The following PLCXD3 variants were observed in gnomAD, a reference collection of about 807,000 sequenced individuals.
PLCXD3 encodes the protein PI-PLC X domain-containing protein 3.
Under a neutral mutation model 25.5 loss-of-function variants are expected in PLCXD3, and 19 were observed. The ratio of observed to expected loss-of-function variants is 0.75; its 90% confidence interval spans 0.52 to 1.09. The LOEUF (loss-of-function observed/expected upper bound fraction) is 1.09, where lower values mean the gene tolerates loss of function less well. Among genes scored for constraint, PLCXD3 ranks in the 50% least tolerant of loss-of-function variants. PLCXD3 has a pLI of 0.00. For missense variants in PLCXD3, 411 were observed against 388.1 expected, an observed-to-expected ratio of 1.06 and a Z score of -0.50; for synonymous variants, 174 against 137.6, an observed-to-expected ratio of 1.26 and a Z score of -1.85.
At chr5:41,421,634 A>G (rs1057110966) in intron 1 of PLCXD3, among the ~76,000 whole-genome samples, 55 of 152,300 alleles carry the variant, frequency 3.6e-4, no homozygotes, top group African/African-American at 1.3e-3. Context: ...CCGAGAGGCG[A>G]AGCTTGCAGT....
intron 1 of PLCXD3, among the ~76,000 whole-genome samples, chr5:41,453,123 C>T (rs1178027573): frequency 1.3e-5 from 2 of 151,810 alleles, no homozygotes; most frequent in South Asian, 2.1e-4. Flanking sequence ...CTCGTTTAAC[C>T]AAAATTTTGT....
chr5:41,363,319 C>T lies in PLCXD3; in HGVS notation c.812+18507G>A, dbSNP rs73750134. Among the ~76,000 whole-genome samples, 1,136 of 152,290 alleles carry T rather than the reference C, an allele frequency of 7.5e-3. 27 individuals carry two copies. Among genetic ancestry groups the T allele is most frequent in the African/African-American group, 0.026 (1,064 of 41,558 alleles). ...TTTAAAGTACAGTCACTAGCATACA[C>T]TCAGTAAATGTTCTGTAAATATCTA... On this transcript the variant is annotated intron_variant, in intron 2 of 2. Transcript: ENST00000377801.
At chr5:41,342,883 T>A (rs982666484) in intron 2 of PLCXD3, among the ~76,000 whole-genome samples, 2 of 152,116 alleles carry the variant, frequency 1.3e-5, no homozygotes, top group Admixed American at 6.6e-5. Context: ...GCCTCCTTTT[T>A]TGTGGTGGGG....
In PLCXD3 at chr5:41,313,677, G is replaced by T. The variant is rs765599219; in HGVS notation, c.906C>A (p.Asp302Glu). Reference protein sequence around the residue: ...IVTADFVELGDFISTVIKLNY... With the variant: ...IVTADFVELGEFISTVIKLNY... ...TGAGCTTTATGACAGTGCTGATAAA[G>T]TCACCAAGTTCTACAAAATCGGCAG... The change falls in exon 3 of 3, where the codon GAC (aspartate) becomes GAA (glutamate). Residue 302 changes from aspartate to glutamate, a missense_variant. Physicochemically the swap from Asp to Glu is conservative, Grantham distance 45 (BLOSUM62 2). Transcript: ENST00000377801. 2.0e-5 allele frequency: 32 copies of T among 1,613,768 alleles called. No homozygotes were observed. Among genetic ancestry groups the T allele is most frequent in the Non-Finnish European group, 2.4e-5 (28 of 1,179,878 alleles).
chr5:41,338,073 T>A (rs1744034284), intron 2 of PLCXD3, among the ~76,000 whole-genome samples: 1 of 152,162 alleles, frequency 6.6e-6, no homozygotes, highest in African/African-American at 2.4e-5. Context: ...ACATTCTCCC[T>A]CTTCCTTGTA....
chr5:41,440,217 T>TC, intron 1 of PLCXD3, among the ~76,000 whole-genome samples: 1 of 21,272 alleles, frequency 4.7e-5, no homozygotes, highest in Non-Finnish European at 1.1e-4. Flanking sequence ...ATCTCTCAAT[T>TC]TTTTTTTTTT....
At chr5:41,463,326 A>G (rs1279388509) in intron 1 of PLCXD3, among the ~76,000 whole-genome samples, 1 of 151,960 alleles carries the variant, frequency 6.6e-6, no homozygotes, top group Non-Finnish European at 1.5e-5. Flanking sequence ...TCTGGGTTAC[A>G]CATGACCATC....
chr5:41,508,687 G>A (rs1738939558), intron 1 of PLCXD3, among the ~76,000 whole-genome samples: 1 of 152,218 alleles, frequency 6.6e-6, no homozygotes, highest in African/African-American at 2.4e-5. Context: ...GCTCTAGAGA[G>A]TCACCTGCCA....
chr5:41,339,674 CAT>C (rs1333455832), intron 2 of PLCXD3, among the ~76,000 whole-genome samples: 138 of 152,144 alleles, frequency 9.1e-4, no homozygotes, highest in African/African-American at 3.0e-3. Flanking sequence ...TAGAATATGT[CAT>C]ATGGAAGAGA....
At position 41,510,418 on chromosome 5, in the gene PLCXD3, G is replaced by C. The variant is rs1300865334; in HGVS notation, c.103+6C>G. The C allele has an allele frequency of 6.2e-7, 1 of 1,604,982 alleles. No individual in the cohort carries two copies. Among genetic ancestry groups the C allele is most frequent in the South Asian group, 1.1e-5 (1 of 89,902 alleles). ...AGCGCCTAGCCCGCAGCCCCTGCGC[G>C]CCTACCTGGAATGGCTAAATTGGTG... On this transcript the variant is annotated splice_donor_region_variant and intron_variant, in intron 1 of 2. Transcript: ENST00000377801.
At chr5:41,417,183 A>T (rs1473326591) in intron 1 of PLCXD3, among the ~76,000 whole-genome samples, 1 of 152,206 alleles carries the variant, frequency 6.6e-6, no homozygotes, top group East Asian at 1.9e-4. Flanking sequence ...GACACTTATT[A>T]CTATTACCCA....
intron 1 of PLCXD3, among the ~76,000 whole-genome samples, chr5:41,450,667 A>G (rs1242382414): frequency 6.6e-6 from 1 of 152,034 alleles, no homozygotes; most frequent in Non-Finnish European, 1.5e-5. Flanking sequence ...ACTTGTTAAG[A>G]CTGTCTGTGG....
At chr5:41,315,209 G>A (rs752851761) in intron 2 of PLCXD3, among the ~76,000 whole-genome samples, 1 of 152,058 alleles carries the variant, frequency 6.6e-6, no homozygotes. Context: ...AGGAAGGGAA[G>A]TTTCCATGAC....
intron 2 of PLCXD3, among the ~76,000 whole-genome samples, chr5:41,315,638 GA>G (rs966602614): frequency 6.6e-6 from 1 of 152,126 alleles, no homozygotes; most frequent in Admixed American, 6.5e-5. Context: ...TTATATCGCG[GA>G]AAATGCCACA....
chr5:41,402,381 T>C (rs916815256), intron 1 of PLCXD3, among the ~76,000 whole-genome samples: 2 of 151,780 alleles, frequency 1.3e-5, no homozygotes, highest in African/African-American at 2.4e-5. Context: ...CAAATATTTA[T>C]AGATTTCTTA....
intron 2 of PLCXD3, among the ~76,000 whole-genome samples, chr5:41,374,930 C>G (rs1343009828): frequency 2.6e-5 from 4 of 152,050 alleles, no homozygotes; most frequent in Non-Finnish European, 4.4e-5. Context: ...GACTTTGAAC[C>G]ATTCTGAGTC....
chr5:41,331,953 TA>T (rs1743824432), intron 2 of PLCXD3, among the ~76,000 whole-genome samples: 1 of 152,180 alleles, frequency 6.6e-6, no homozygotes, highest in African/African-American at 2.4e-5. Flanking sequence ...CAAGATGGAT[TA>T]AAGACTTAAA....
intron 2 of PLCXD3, among the ~76,000 whole-genome samples, chr5:41,326,000 A>T (rs1743614279): frequency 6.6e-6 from 1 of 152,178 alleles, no homozygotes; most frequent in South Asian, 2.1e-4. Flanking sequence ...AATCTCATTC[A>T]TGGGGACTCT....
intron 2 of PLCXD3, among the ~76,000 whole-genome samples, chr5:41,356,198 G>A (rs981803755): frequency 4.6e-5 from 7 of 152,228 alleles, no homozygotes; most frequent in Non-Finnish European, 7.4e-5. Context: ...CCCAGGAGGC[G>A]GAGGTTGCAG....
Sources: allele counts gnomAD v4.1 joint callset (sites outside exome capture counted in the v4.1 genomes callset), GRCh38; gene constraint gnomAD v4.1.1; transcripts MANE v1.5; gene names NCBI Gene and HGNC (gene_info 2026-07-23, HGNC 2026-07-21).